XYLT1: variants seen among roughly 807,000 people sequenced by gnomAD.
XYLT1 encodes the protein xylosyltransferase 1.
In XYLT1, 36 loss-of-function variants were observed where a neutral mutation model predicts 91.3. The ratio of observed to expected loss-of-function variants is 0.39; its 90% CI spans 0.30 to 0.52. The LOEUF (loss-of-function observed/expected upper bound fraction) is 0.52. Ranked by LOEUF, XYLT1 falls within the 20% of genes least tolerant of loss-of-function variation. The pLI is 0.68. For synonymous variants in XYLT1, 588 were observed against 532.0 expected (o/e 1.11, Z -1.45); for missense variants, 1,242 against 1,284.5 (o/e 0.97, Z 0.51).
intron 1 of XYLT1, among the ~76,000 whole-genome samples, chr16:17,456,647 C>A (rs1027229074): frequency 2.0e-5 from 3 of 152,170 alleles, no homozygotes; most frequent in African/African-American, 7.2e-5. Context: ...GGCAACAGTA[C>A]CAACTTTCTG....
chr16:17,216,218 A>G (rs934573084), intron 3 of XYLT1, among the ~76,000 whole-genome samples: 3 of 152,162 alleles, frequency 2.0e-5, no homozygotes, highest in African/African-American at 4.8e-5. Flanking sequence ...CTCAATAAAT[A>G]CTGCCATGGA....
chr16:17,453,669 A>G (rs1449390313), intron 1 of XYLT1, among the ~76,000 whole-genome samples: 44 of 152,232 alleles, frequency 2.9e-4, no homozygotes, highest in Admixed American at 2.7e-3. Flanking sequence ...ATGTAAAATG[A>G]CACACGCTAC....
rs180969756 is a variant in XYLT1 at position 17,255,653 on chromosome 16, T to C, written c.913+3335A>G. 3.0e-3 allele frequency among the ~76,000 whole-genome samples: 455 copies of C among 152,256 alleles called. 3 individuals are homozygous for C. The highest frequency in any genetic ancestry group is 0.011 in the African/African-American group (438 of 41,540). On this transcript the variant is annotated intron_variant, in intron 3 of 11. Coordinates refer to ENST00000261381, the MANE Select transcript of XYLT1 (RefSeq NM_022166.4). ...ATAGACAGGAACCACCTCGACCACT[T>C]AGACAAGGGTGAAACAGCAAGGCAG...
intron 5 of XYLT1, among the ~76,000 whole-genome samples, chr16:17,192,425 G>A (rs562965243): frequency 2.0e-5 from 3 of 152,298 alleles, no homozygotes; most frequent in African/African-American, 7.2e-5. Context: ...ACAAGTCCAA[G>A]CCAAGAAACA....
At chr16:17,212,769 G>C (rs2032783886) in intron 3 of XYLT1, among the ~76,000 whole-genome samples, 1 of 152,142 alleles carries the variant, frequency 6.6e-6, no homozygotes, top group Admixed American at 6.5e-5. Flanking sequence ...ATGATATACT[G>C]CTCAATAAAT....
At chr16:17,319,677 G>C (rs1393914559) in intron 2 of XYLT1, among the ~76,000 whole-genome samples, 1 of 152,132 alleles carries the variant, frequency 6.6e-6, no homozygotes, top group African/African-American at 2.4e-5. Context: ...CTGGCCTCAA[G>C]TGATCCTCCC....
In XYLT1 at chr16:17,158,837, G is replaced by A. The variant is rs2031478856; in HGVS notation, c.1362C>T (p.Asp454=). The change falls in exon 6 of 12, where the codon GAC becomes GAT. Residue 454 remains aspartate (D), a synonymous_variant. Transcript: ENST00000261381. ...AGGGGTTGAGGTGCTACCTTGCATTGTCCCGGCCGTGTGACTTCAAGAAAT... is the reference window on the plus strand; with the variant it reads ...AGGGGTTGAGGTGCTACCTTGCATTATCCCGGCCGTGTGACTTCAAGAAAT... ...DMNFLKSHGR[D]NARFIRKQGL... is the part of the protein sequence containing the mutation. The A allele has an allele frequency of 6.2e-7, 1 of 1,614,004 alleles. No individual in the cohort carries two copies. Among genetic ancestry groups the A allele is most frequent in the Admixed American group, 1.7e-5 (1 of 60,014 alleles).
At chr16:17,344,176 A>G (rs2141849578) in intron 2 of XYLT1, among the ~76,000 whole-genome samples, 1 of 152,252 alleles carries the variant, frequency 6.6e-6, no homozygotes, top group Non-Finnish European at 1.5e-5. Flanking sequence ...TCTACAATGC[A>G]GAGAACAGCC....
At chr16:17,227,029 A>C (rs923410523) in intron 3 of XYLT1, 2 of 152,390 alleles carry the variant, frequency 1.3e-5, no homozygotes, top group South Asian at 4.1e-4. Context: ...TCAGTAAGAC[A>C]GATGCTATTT....
chr16:17,156,659 T>C (rs535539979), intron 6 of XYLT1, among the ~76,000 whole-genome samples: 42 of 152,300 alleles, frequency 2.8e-4, no homozygotes, highest in African/African-American at 9.1e-4. Flanking sequence ...AAAACAAATA[T>C]GGATCCTATA....
intron 1 of XYLT1, among the ~76,000 whole-genome samples, chr16:17,435,122 T>C (rs139399406): frequency 1.4e-4 from 22 of 152,280 alleles, no homozygotes; most frequent in African/African-American, 5.3e-4. Context: ...TCTGCGTACA[T>C]GGTTCAGGTC....
intron 2 of XYLT1, among the ~76,000 whole-genome samples, chr16:17,279,898 T>C (rs1308729732): frequency 1.3e-5 from 2 of 152,230 alleles, no homozygotes; most frequent in Non-Finnish European, 2.9e-5. Context: ...TCCGTGGCAC[T>C]GCCGAGGACC....
intron 1 of XYLT1, among the ~76,000 whole-genome samples, chr16:17,431,895 G>C (rs148019439): frequency 7.2e-4 from 110 of 152,370 alleles, no homozygotes; most frequent in African/African-American, 2.3e-3. Context: ...CATGGCTGCG[G>C]ATCCTTCTGG....
intron 3 of XYLT1, among the ~76,000 whole-genome samples, chr16:17,235,597 G>A (rs778148461): frequency 1.3e-5 from 2 of 152,132 alleles, no homozygotes; most frequent in Admixed American, 6.5e-5. Flanking sequence ...GCTGAGTCAC[G>A]GTAGAAATTA....
chr16:17,425,443 G>T (rs973389026), intron 1 of XYLT1, among the ~76,000 whole-genome samples: 1 of 152,112 alleles, frequency 6.6e-6, no homozygotes, highest in South Asian at 2.1e-4. Context: ...ACTCTAGATA[G>T]TTGAGGCTAA....
At chr16:17,381,178 G>C (rs978116888) in intron 1 of XYLT1, among the ~76,000 whole-genome samples, 1 of 152,106 alleles carries the variant, frequency 6.6e-6, no homozygotes, top group Non-Finnish European at 1.5e-5. Flanking sequence ...ATGGGGTTTG[G>C]GGAAGAGGGA....
intron 2 of XYLT1, among the ~76,000 whole-genome samples, chr16:17,277,687 A>AC (rs1218704297): frequency 6.6e-6 from 1 of 152,072 alleles, no homozygotes; most frequent in Admixed American, 6.6e-5. Flanking sequence ...CCCGGGTTCA[A>AC]CCTACTGTTT....
chr16:17,464,564 G>A lies in XYLT1; in HGVS notation c.363+5870C>T, dbSNP rs529033448. 2.6e-5 allele frequency among the ~76,000 whole-genome samples: 4 copies of A among 151,162 alleles called. No individual in the cohort carries two copies. The East Asian group carries it at 7.8e-4, about 29-fold the overall frequency. ...TGACAAAAAAGTAAAGATAAATGTTGGCGGTAATGAATATCCCAATTACTT... is the reference window on the plus strand; with the variant it reads ...TGACAAAAAAGTAAAGATAAATGTTAGCGGTAATGAATATCCCAATTACTT... On this transcript the variant is annotated intron_variant, in intron 1 of 11. Transcript: ENST00000261381.
At chr16:17,207,103 G>A (rs2032663678) in intron 3 of XYLT1, among the ~76,000 whole-genome samples, 1 of 143,150 alleles carries the variant, frequency 7.0e-6, no homozygotes, top group Admixed American at 7.2e-5. Context: ...TGTCACCTAG[G>A]CTGGAGTGCA....
Sources: gnomAD v4.1 joint callset for allele counts (sites outside exome capture counted in the v4.1 genomes callset) on GRCh38, gnomAD v4.1.1 for gene constraint, MANE v1.5 for transcripts, NCBI Gene and HGNC (gene_info 2026-07-23, HGNC 2026-07-21) for gene names.